TMEM108: variants seen among roughly 807,000 people sequenced by gnomAD.
TMEM108 encodes transmembrane protein 108, also known as cancer/testis antigen 124.
A neutral mutation model predicts 35.1 loss-of-function variants in TMEM108; 12 were observed. The ratio of observed to expected loss-of-function variants is 0.34; its 90% CI spans 0.22 to 0.55. TMEM108 has a LOEUF of 0.55. Among genes scored for constraint, TMEM108 ranks in the 20% least tolerant of loss-of-function variants. The pLI is 0.89. For missense variants in TMEM108, 680 were observed against 753.3 expected (o/e 0.90, Z 1.14); for synonymous variants, 287 against 308.6 (o/e 0.93, Z 0.73).
chr3:133,350,842 T>G (rs552562340), intron 3 of TMEM108, among the ~76,000 whole-genome samples: 1 of 152,132 alleles, frequency 6.6e-6, no homozygotes, highest in Admixed American at 6.5e-5. Flanking sequence ...TTTTACATAC[T>G]GAATGCTGAG....
At chr3:133,345,921 C>T (rs752520403) in intron 3 of TMEM108, among the ~76,000 whole-genome samples, 3 of 151,952 alleles carry the variant, frequency 2.0e-5, no homozygotes, top group Non-Finnish European at 4.4e-5. Context: ...TTCTTTCACT[C>T]AGCAATATGT....
intron 3 of TMEM108, among the ~76,000 whole-genome samples, chr3:133,347,381 T>C (rs1266040149): frequency 6.6e-6 from 1 of 152,128 alleles, no homozygotes; most frequent in Non-Finnish European, 1.5e-5. Flanking sequence ...CTAAGTGTTT[T>C]CTTTCCTTCC....
chr3:133,209,103 G>A (rs1193004705), intron 2 of TMEM108, among the ~76,000 whole-genome samples: 4 of 152,114 alleles, frequency 2.6e-5, no homozygotes, highest in Admixed American at 2.6e-4. Context: ...AAGTGCAGTG[G>A]CACAATCATA....
chr3:133,153,846 G>A (rs935839371), intron 2 of TMEM108, among the ~76,000 whole-genome samples: 1 of 152,140 alleles, frequency 6.6e-6, no homozygotes, highest in Non-Finnish European at 1.5e-5. Flanking sequence ...TCTGTAGTGT[G>A]TGACGTGATT....
rs138108638 is a variant in TMEM108 at position 133,196,395 on chromosome 3, G to C, written c.-46-32871G>C. On this transcript the variant is annotated intron_variant, in intron 2 of 5. Transcript: ENST00000321871. ...TGCTAATCAAAATGGAAACCAGTTAGCAAGATAATTAGAAAACAAGTACAA... is the reference window on the plus strand; with the variant it reads ...TGCTAATCAAAATGGAAACCAGTTACCAAGATAATTAGAAAACAAGTACAA... Among the ~76,000 whole-genome samples, 36 of 152,310 alleles carry C rather than the reference G, an allele frequency of 2.4e-4. No individual in the cohort carries two copies. In the East Asian group the frequency reaches 5.6e-3, roughly 24 times the overall value.
intron 3 of TMEM108, among the ~76,000 whole-genome samples, chr3:133,357,258 A>G (rs1045120279): frequency 5.9e-5 from 9 of 152,262 alleles, no homozygotes; most frequent in Non-Finnish European, 1.2e-4. Flanking sequence ...AAGAATGGCC[A>G]TAATTTAAAA....
intron 3 of TMEM108, among the ~76,000 whole-genome samples, chr3:133,323,512 A>T (rs2071292089): frequency 6.6e-6 from 1 of 152,196 alleles, no homozygotes; most frequent in Admixed American, 6.5e-5. Context: ...AACAGTACTG[A>T]AAGAAATTAT....
In TMEM108 at chr3:133,380,557, A is replaced by G; in HGVS notation, c.846A>G (p.Arg282=). 6.2e-7 allele frequency: 1 copy of G among 1,613,960 alleles called. No individual in the cohort carries two copies. The highest frequency in any genetic ancestry group is 8.5e-7 in the Non-Finnish European group (1 of 1,179,980). The change falls in exon 4 of 6, where the codon AGA becomes AGG. Residue 282 remains arginine (R), a synonymous_variant. Coordinates refer to ENST00000321871, the MANE Select transcript of TMEM108 (RefSeq NM_023943.4). This position sits in a 1 kb window ranked among gnomAD's most constrained non-coding sequence, Gnocchi z 5.3. ...GPAKDKPGLR[R]AAQGGGSTFT... ...CAAAGGACAAGCCAGGCCTTCGCAG[A>G]GCAGCCCAGGGGGGTGGTTCTACCT...
intron 4 of TMEM108, among the ~76,000 whole-genome samples, chr3:133,382,755 T>C (rs918296182): frequency 6.6e-6 from 1 of 152,138 alleles, no homozygotes; most frequent in Non-Finnish European, 1.5e-5. Context: ...GTGCAGGAGG[T>C]TTATGCCTTT....
chr3:133,069,591 C>G (rs1943652216), intron 2 of TMEM108, among the ~76,000 whole-genome samples: 1 of 152,116 alleles, frequency 6.6e-6, no homozygotes, highest in Non-Finnish European at 1.5e-5. Flanking sequence ...CTGTTCTCCT[C>G]TATATTTGAT....
intron 3 of TMEM108, among the ~76,000 whole-genome samples, chr3:133,255,960 G>T (rs953980762): frequency 1.3e-5 from 2 of 152,224 alleles, no homozygotes; most frequent in African/African-American, 4.8e-5. Flanking sequence ...CTGCACTCCA[G>T]CCTCTGCACT....
intron 4 of TMEM108, chr3:133,388,132 G>A: frequency 1.0e-6 from 1 of 985,454 alleles, no homozygotes; most frequent in Non-Finnish European, 1.2e-6. Flanking sequence ...AAACTGAGCT[G>A]GAGCTGAGGA....
chr3:133,200,511 C>T (rs552246738), intron 2 of TMEM108, among the ~76,000 whole-genome samples: 3 of 152,284 alleles, frequency 2.0e-5, no homozygotes, highest in African/African-American at 7.2e-5. Flanking sequence ...CACTTTGTCC[C>T]TGGTCGGAGA....
intron 2 of TMEM108, among the ~76,000 whole-genome samples, chr3:133,180,187 G>C (rs1252112229): frequency 6.6e-6 from 1 of 151,996 alleles, no homozygotes; most frequent in African/African-American, 2.4e-5. Context: ...ATCTAATGTG[G>C]GGGAGAGGGA....
intron 3 of TMEM108, among the ~76,000 whole-genome samples, chr3:133,330,474 A>T (rs893839808): frequency 1.3e-5 from 2 of 152,204 alleles, no homozygotes; most frequent in African/African-American, 4.8e-5. Context: ...TATGTGGGTT[A>T]TAGCTAGTTT....
rs925746378 is a variant in TMEM108, at chr3:133,127,430, G to C, written c.-47+81410G>C. On this transcript the variant is annotated intron_variant, in intron 2 of 5. Transcript: ENST00000321871. Reference sequence around the variant, plus strand: ...GATTGGAAGACCTGTGTGAGAACTCGGATGGGAAGAGAATCTCATTTCGTA... The same window carrying C: ...GATTGGAAGACCTGTGTGAGAACTCCGATGGGAAGAGAATCTCATTTCGTA... 3.3e-5 allele frequency among the ~76,000 whole-genome samples: 5 copies of C among 152,100 alleles called. No individual in the cohort carries two copies. In the East Asian group the frequency reaches 7.7e-4, roughly 23 times the overall value.
At chr3:133,290,712 G>C (rs2107695065) in intron 3 of TMEM108, among the ~76,000 whole-genome samples, 1 of 152,090 alleles carries the variant, frequency 6.6e-6, no homozygotes, top group African/African-American at 2.4e-5. Context: ...AAACTGACAG[G>C]AACTAGCCTG....
intron 2 of TMEM108, among the ~76,000 whole-genome samples, chr3:133,048,770 A>G (rs1245978250): frequency 1.3e-5 from 2 of 152,250 alleles, no homozygotes; most frequent in East Asian, 1.9e-4. Flanking sequence ...AGCAAAACTT[A>G]TAAGAATGTT....
rs148635925 is a variant in TMEM108, at chr3:133,380,063, G to A, written c.352G>A (p.Ala118Thr). 99 of 1,613,718 alleles carry A rather than the reference G, an allele frequency of 6.1e-5. No homozygotes were observed. Among genetic ancestry groups the A allele is most frequent in the Admixed American group, 3.0e-4 (18 of 59,992 alleles). The change falls in exon 4 of 6, where the codon GCT (alanine) becomes ACT (threonine). Residue 118 changes from alanine (A) to threonine (T), a missense_variant. Ala to Thr is a moderately conservative substitution (Grantham distance 58, BLOSUM62 0). This residue lies in a region of TMEM108 where 526 missense variants were observed against 532.1 expected (regional missense o/e 0.99). Coordinates refer to ENST00000321871, the MANE Select transcript of TMEM108 (RefSeq NM_023943.4). The surrounding 1 kb of genome is among the most constrained non-coding windows in gnomAD (Gnocchi z 5.3). ...TGAAAGCTCCCTGTCCACAGGGCCCGCTCCAGCAGCCATGGCAACCACATC... is the reference window on the plus strand; with the variant it reads ...TGAAAGCTCCCTGTCCACAGGGCCCACTCCAGCAGCCATGGCAACCACATC... ...HSESSLSTGP[A>T]PAAMATTSSK...
Sources: gnomAD v4.1 joint callset for allele counts (sites outside exome capture counted in the v4.1 genomes callset) on GRCh38, gnomAD v4.1.1 for gene constraint, gnomAD v4.1.1 regional missense constraint, Gnocchi (gnomAD v3.1) non-coding constraint, MANE v1.5 for transcripts, NCBI Gene and HGNC (gene_info 2026-07-23, HGNC 2026-07-21) for gene names.